The following ZFPM2 variants were observed in gnomAD, a reference collection of about 807,000 sequenced individuals.
The protein encoded by ZFPM2 is zinc finger protein ZFPM2.
A neutral mutation model predicts 98.6 loss-of-function variants in ZFPM2; 20 were observed. The ratio of observed to expected loss-of-function variants is 0.20; its 90% CI spans 0.14 to 0.29. The LOEUF is 0.29. Among genes scored for constraint, ZFPM2 ranks in the 10% least tolerant of loss-of-function variants. ZFPM2 has a pLI of 1.00. For synonymous variants in ZFPM2, 518 were observed against 502.7 expected, an observed-to-expected ratio of 1.03 and a Z score of -0.41; for missense variants, 1,310 against 1,388.6, an observed-to-expected ratio of 0.94 and a Z score of 0.90.
In ZFPM2 at chr8:105,597,959, G is replaced by A. The variant is rs76683344; in HGVS notation, c.421-36287G>A. ...ACTCAAAAGGATTAAATTCTGCTGG[G>A]GATTGTTATTTCAGTTCTTTCCAAT... On this transcript the variant is annotated intron_variant, in intron 4 of 7. Transcript: ENST00000407775. 1.4e-3 allele frequency among the ~76,000 whole-genome samples: 212 copies of A among 151,862 alleles called. 4 individuals carry two copies. In the East Asian group the frequency reaches 0.039, roughly 28 times the overall value.
At chr8:105,705,294 A>C (rs2130964277) in intron 5 of ZFPM2, among the ~76,000 whole-genome samples, 1 of 152,246 alleles carries the variant, frequency 6.6e-6, no homozygotes, top group East Asian at 1.9e-4. Context: ...AAATAAGATT[A>C]AGTTTAAGAC....
intron 4 of ZFPM2, among the ~76,000 whole-genome samples, chr8:105,603,785 G>A (rs544109511): frequency 6.6e-6 from 1 of 152,058 alleles, no homozygotes; most frequent in South Asian, 2.1e-4. Context: ...TTCTTATCCT[G>A]CATAGTGATA....
rs150154348 is a variant in ZFPM2, at chr8:105,532,761, A to T, written c.302-28602A>T. On this transcript the variant is annotated intron_variant, in intron 3 of 7. Transcript: ENST00000407775. ...CCCAGTGAATGATGTAATTGGGGGT[A>T]CAAGGTACCTGCTCTGCTGGGCATA... Among the ~76,000 whole-genome samples the T allele has an allele frequency of 2.3e-3, 353 of 152,272 alleles. 3 individuals are homozygous for T. The highest frequency in any genetic ancestry group is 8.3e-3 in the African/African-American group (343 of 41,564).
At chr8:105,319,516 A>G (rs908606471) in intron 1 of ZFPM2, 1 of 152,354 alleles carries the variant, frequency 6.6e-6, no homozygotes, top group Non-Finnish European at 1.5e-5. Context: ...GAGCCACACC[A>G]AACCCGAAGC....
intron 2 of ZFPM2, among the ~76,000 whole-genome samples, chr8:105,427,934 TC>T (rs2130125853): frequency 6.6e-6 from 1 of 152,302 alleles, no homozygotes; most frequent in Non-Finnish European, 1.5e-5. Flanking sequence ...TCAGACATCT[TC>T]CTGTGTATGT....
At chr8:105,322,806 C>T (rs909173638) in intron 1 of ZFPM2, among the ~76,000 whole-genome samples, 4 of 151,872 alleles carry the variant, frequency 2.6e-5, no homozygotes, top group African/African-American at 7.3e-5. Context: ...GTTAGCAGTT[C>T]GGTAGAGGGT....
At chr8:105,601,325 C>A (rs1816088021) in intron 4 of ZFPM2, among the ~76,000 whole-genome samples, 1 of 152,096 alleles carries the variant, frequency 6.6e-6, no homozygotes, top group African/African-American at 2.4e-5. Context: ...TGACTAGTGC[C>A]ATTATTGCCT....
intron 1 of ZFPM2, chr8:105,387,130 A>G (rs1381642331): frequency 6.6e-6 from 1 of 152,396 alleles, no homozygotes; most frequent in Non-Finnish European, 1.5e-5. Context: ...ACAAACCCTG[A>G]GCTAGACACA....
At chr8:105,579,755 A>C (rs1165183833) in intron 4 of ZFPM2, among the ~76,000 whole-genome samples, 1 of 152,326 alleles carries the variant, frequency 6.6e-6, no homozygotes, top group African/African-American at 2.4e-5. Context: ...TGAAGGAACA[A>C]AAATCAGTAT....
At chr8:105,684,090 G>A (rs893773823) in intron 5 of ZFPM2, among the ~76,000 whole-genome samples, 37 of 152,048 alleles carry the variant, frequency 2.4e-4, no homozygotes, top group African/African-American at 8.7e-4. Flanking sequence ...TCATTGATGC[G>A]CTTATTCCTC....
At chr8:105,584,731 A>C (rs777440535) in intron 4 of ZFPM2, among the ~76,000 whole-genome samples, 1 of 152,206 alleles carries the variant, frequency 6.6e-6, no homozygotes, top group East Asian at 1.9e-4. Flanking sequence ...CTGATAAAGC[A>C]CCAGGGAAAC....
chr8:105,465,692 T>C (rs1812784785), intron 3 of ZFPM2, among the ~76,000 whole-genome samples: 1 of 151,992 alleles, frequency 6.6e-6, no homozygotes, highest in East Asian at 1.9e-4. Flanking sequence ...GCTGGAATTT[T>C]ACTTGGAGAG....
chr8:105,440,407 A>G (rs1275707501), intron 2 of ZFPM2, among the ~76,000 whole-genome samples: 2 of 152,062 alleles, frequency 1.3e-5, no homozygotes, highest in Admixed American at 6.6e-5. Context: ...AAGTGAGTCA[A>G]TTTAAATAAA....
intron 4 of ZFPM2, among the ~76,000 whole-genome samples, chr8:105,580,502 G>A (rs17289899): frequency 0.12 from 17,501 of 152,014 alleles, 1,133 homozygotes; most frequent in South Asian, 0.17. Context: ...ACTTGACCTT[G>A]ATGATGGAAC....
chr8:105,794,038 C>T (rs867613509), intron 6 of ZFPM2, among the ~76,000 whole-genome samples: 9 of 151,856 alleles, frequency 5.9e-5, no homozygotes, highest in South Asian at 2.1e-4. Flanking sequence ...TCCTGTAGCT[C>T]GTAGTTTGAT....
intron 1 of ZFPM2, among the ~76,000 whole-genome samples, chr8:105,349,031 T>C (rs1223713734): frequency 6.6e-6 from 1 of 152,166 alleles, no homozygotes; most frequent in African/African-American, 2.4e-5. Context: ...CAAAGAACTG[T>C]TGTGGGGTTA....
intron 3 of ZFPM2, among the ~76,000 whole-genome samples, chr8:105,530,719 C>G (rs572988420): frequency 2.6e-5 from 4 of 152,214 alleles, no homozygotes; most frequent in African/African-American, 9.6e-5. Context: ...GACCCTTACT[C>G]CAGATAAAGT....
chr8:105,543,192 A>C (rs1474049256), intron 3 of ZFPM2, among the ~76,000 whole-genome samples: 1 of 152,220 alleles, frequency 6.6e-6, no homozygotes, highest in Non-Finnish European at 1.5e-5. Flanking sequence ...TTTTAAGAGA[A>C]GCGAAATACA....
Position 105,397,394 on chromosome 8 carries a change from T to C in ZFPM2, c.41-21750T>C, listed in dbSNP as rs142526125. ...AACCATAAGGATTAAAAAAAATAAATTTTATCACCTTACAGCAAAGTAGTT... is the reference window on the plus strand; with the variant it reads ...AACCATAAGGATTAAAAAAAATAAACTTTATCACCTTACAGCAAAGTAGTT... On this transcript the variant is annotated intron_variant, in intron 1 of 7. Transcript: ENST00000407775. Among the ~76,000 whole-genome samples the C allele has an allele frequency of 1.5e-3, 234 of 152,238 alleles. 1 individual carries two copies. Among genetic ancestry groups the C allele is most frequent in the African/African-American group, 5.4e-3 (226 of 41,554 alleles).
Sources: gnomAD v4.1 joint callset for allele counts (sites outside exome capture counted in the v4.1 genomes callset) on GRCh38, gnomAD v4.1.1 for gene constraint, MANE v1.5 for transcripts, NCBI Gene and HGNC (gene_info 2026-07-23, HGNC 2026-07-21) for gene names.